The following GSK3B variants were observed in gnomAD, a reference collection of about 807,000 sequenced individuals.
The protein encoded by GSK3B is glycogen synthase kinase 3 beta.
A neutral mutation model predicts 56.4 loss-of-function variants in GSK3B; 15 were observed. The observed-to-expected ratio is 0.27, with a 90% CI of 0.18 to 0.41. The LOEUF (loss-of-function observed/expected upper bound fraction) is 0.41, where lower values mean the gene tolerates loss of function less well. GSK3B is among the 10% of genes least tolerant of loss of function. GSK3B has a pLI of 1.00. For missense variants in GSK3B, 300 were observed against 513.4 expected (o/e 0.58, Z 4.02); for synonymous variants, 181 against 188.9 (o/e 0.96, Z 0.34).
intron 1 of GSK3B, among the ~76,000 whole-genome samples, chr3:120,035,618 A>G (rs1359008831): frequency 1.3e-5 from 2 of 152,290 alleles, no homozygotes; most frequent in South Asian, 4.1e-4. Flanking sequence ...TGAACATAGG[A>G]TGTCCATCCT....
chr3:120,073,219 TAAAAAAAAAAAAA>T (rs972347264), intron 1 of GSK3B, among the ~76,000 whole-genome samples: 1,779 of 70,642 alleles, frequency 0.025, 45 homozygotes, highest in African/African-American at 0.087. Flanking sequence ...CAAAAAAAAT[TAAAAAAAAAAAAA>T]AAAAAAAAAA....
intron 5 of GSK3B, among the ~76,000 whole-genome samples, chr3:119,913,285 T>C (rs2056752580): frequency 6.6e-6 from 1 of 152,130 alleles, no homozygotes; most frequent in African/African-American, 2.4e-5. Flanking sequence ...TTTCAAGGCT[T>C]ATAGACTCAA....
At chr3:119,898,479 C>T (rs1192411841) in intron 7 of GSK3B, among the ~76,000 whole-genome samples, 1 of 152,120 alleles carries the variant, frequency 6.6e-6, no homozygotes, top group African/African-American at 2.4e-5. Flanking sequence ...TTAGGGGTTG[C>T]ATCACTAATT....
intron 7 of GSK3B, among the ~76,000 whole-genome samples, chr3:119,890,675 A>G (rs1423473265): frequency 6.6e-6 from 1 of 151,880 alleles, no homozygotes; most frequent in African/African-American, 2.4e-5. Flanking sequence ...GGAATTTACT[A>G]AACTGTCATT....
At chr3:119,846,037 A>T (rs1209829446) in intron 9 of GSK3B, among the ~76,000 whole-genome samples, 3 of 152,212 alleles carry the variant, frequency 2.0e-5, no homozygotes, top group African/African-American at 7.2e-5. Context: ...TATCAAAAAC[A>T]AGCAATGGGG....
intron 2 of GSK3B, among the ~76,000 whole-genome samples, chr3:119,962,498 TC>T (rs2057281996): frequency 6.6e-6 from 1 of 152,046 alleles, no homozygotes; most frequent in Non-Finnish European, 1.5e-5. Context: ...GAATGCCCAC[TC>T]TTGCCATCTA....
rs979743884 is a variant in GSK3B at position 119,943,611 on chromosome 3, C to T, written c.366+3657G>A. Reference sequence around the variant, plus strand: ...AGAGAAGAGACACTAAGAGAGACAACGAAGAAGATTTAAGACAGATGAGAA... The same window carrying T: ...AGAGAAGAGACACTAAGAGAGACAATGAAGAAGATTTAAGACAGATGAGAA... On this transcript the variant is annotated intron_variant, in intron 3 of 10. Transcript: ENST00000264235. 4.0e-5 allele frequency among the ~76,000 whole-genome samples: 6 copies of T among 151,776 alleles called. No individual in the cohort carries two copies. The East Asian group carries it at 5.8e-4, about 15-fold the overall frequency.
At chr3:119,962,910 T>C (rs989974899) in intron 2 of GSK3B, among the ~76,000 whole-genome samples, 1 of 152,188 alleles carries the variant, frequency 6.6e-6, no homozygotes, top group Non-Finnish European at 1.5e-5. Flanking sequence ...AATCTAATGC[T>C]GCTGCTGATC....
chr3:120,015,647 CTCA>C (rs1265458052), intron 1 of GSK3B, among the ~76,000 whole-genome samples: 1 of 61,478 alleles, frequency 1.6e-5, no homozygotes, highest in Non-Finnish European at 2.7e-5. Context: ...GAGACTCTGT[CTCA>C]AAAAAAAAAA....
At chr3:119,900,323 C>T (rs913280540) in intron 7 of GSK3B, among the ~76,000 whole-genome samples, 2 of 151,928 alleles carry the variant, frequency 1.3e-5, no homozygotes, top group Non-Finnish European at 1.5e-5. Context: ...AAGCAATAGT[C>T]AAATTATTAC....
intron 3 of GSK3B, among the ~76,000 whole-genome samples, chr3:119,928,397 A>G (rs1407024646): frequency 1.3e-5 from 2 of 151,870 alleles, no homozygotes; most frequent in Non-Finnish European, 2.9e-5. Flanking sequence ...TGAGGTCAGG[A>G]GATCGAGACC....
intron 2 of GSK3B, among the ~76,000 whole-genome samples, chr3:120,000,225 C>T (rs981374859): frequency 6.6e-5 from 10 of 152,034 alleles, no homozygotes; most frequent in Non-Finnish European, 2.9e-5. Flanking sequence ...ATTATAAAAC[C>T]ATTAAAAAGA....
intron 2 of GSK3B, among the ~76,000 whole-genome samples, chr3:119,968,538 G>C (rs2057339331): frequency 6.6e-6 from 1 of 152,106 alleles, no homozygotes; most frequent in Non-Finnish European, 1.5e-5. Flanking sequence ...ACAAGCTAAG[G>C]AAGAAAAACA....
At chr3:120,079,151 A>G (rs2058393070) in intron 1 of GSK3B, among the ~76,000 whole-genome samples, 1 of 151,248 alleles carries the variant, frequency 6.6e-6, no homozygotes, top group Non-Finnish European at 1.5e-5. Flanking sequence ...CATGTTGGCC[A>G]GGGTGGTCTC....
chr3:119,943,594 G>C (rs1025263284), intron 3 of GSK3B, among the ~76,000 whole-genome samples: 1 of 151,824 alleles, frequency 6.6e-6, no homozygotes, highest in Non-Finnish European at 1.5e-5. Context: ...AGAGAGAAGA[G>C]ACACTAAGAG....
At chr3:119,964,016 C>T (rs561136374) in intron 2 of GSK3B, among the ~76,000 whole-genome samples, 4 of 152,254 alleles carry the variant, frequency 2.6e-5, no homozygotes, top group African/African-American at 7.2e-5. Context: ...GGGACTATAT[C>T]AAACTAAAAA....
chr3:120,018,807 G>A (rs896718485), intron 1 of GSK3B, among the ~76,000 whole-genome samples: 5 of 152,080 alleles, frequency 3.3e-5, no homozygotes, highest in Admixed American at 6.5e-5. Context: ...CATCTAAAAC[G>A]AGTAAAAAGA....
chr3:119,919,504 G>C (rs999049847), intron 4 of GSK3B, among the ~76,000 whole-genome samples: 2 of 142,962 alleles, frequency 1.4e-5, no homozygotes, highest in Admixed American at 7.2e-5. Context: ...CTCTGAAAGC[G>C]CTGTGGTTAC....
At chr3:119,995,153 C>CT (rs1307703256) in intron 2 of GSK3B, among the ~76,000 whole-genome samples, 2 of 143,696 alleles carry the variant, frequency 1.4e-5, no homozygotes, top group African/African-American at 5.2e-5. Context: ...CAGGGAGACA[C>CT]TGTCTCTACA....
Sources: allele counts gnomAD v4.1 joint callset (sites outside exome capture counted in the v4.1 genomes callset), GRCh38; gene constraint gnomAD v4.1.1; transcripts MANE v1.5; gene names NCBI Gene and HGNC (gene_info 2026-07-23, HGNC 2026-07-21).